Variants in BMP6 observed in about 807,000 individuals in gnomAD.
BMP6 encodes bone morphogenetic protein 6, also known as VG-1-R.
BMP6 carries 17 observed loss-of-function variants against 54.1 expected under a neutral mutation model. The observed-to-expected ratio is 0.31, with a 90% confidence interval of 0.22 to 0.47. The LOEUF (loss-of-function observed/expected upper bound fraction) is 0.47. Ranked by LOEUF, BMP6 falls within the 20% of genes least tolerant of loss-of-function variation. The probability of loss-of-function intolerance (pLI) is 1.00; values close to 1 mark genes in which losing one functional copy is unlikely to be tolerated. For missense variants in BMP6, 720 were observed against 690.4 expected (o/e 1.04, Z -0.48); for synonymous variants, 328 against 291.2 (o/e 1.13, Z -1.28).
intron 1 of BMP6, among the ~76,000 whole-genome samples, chr6:7,780,709 GTTA>G (rs10665058): frequency 8.6e-5 from 13 of 151,128 alleles, no homozygotes; most frequent in Non-Finnish European, 1.8e-4. Flanking sequence ...TTATTTTATT[GTTA>G]TTATTATCAT....
intron 1 of BMP6, among the ~76,000 whole-genome samples, chr6:7,833,813 C>A (rs2113239013): frequency 6.6e-6 from 1 of 152,258 alleles, no homozygotes; most frequent in African/African-American, 2.4e-5. Flanking sequence ...GAATGTGTCC[C>A]ACATGTTATT....
chr6:7,743,974 T>G (rs1262941011), intron 1 of BMP6, among the ~76,000 whole-genome samples: 1 of 152,246 alleles, frequency 6.6e-6, no homozygotes, highest in Admixed American at 6.5e-5. Context: ...AATTCCAAGT[T>G]GTGATGCATC....
chr6:7,879,165 C>T lies in BMP6; in HGVS notation c.1281+15C>T, dbSNP rs140759179. 6.2e-6 allele frequency: 10 copies of T among 1,608,318 alleles called. No homozygotes were observed. The East Asian group carries it at 2.2e-4, about 36-fold the overall frequency. On this transcript the variant is annotated intron_variant, in intron 5 of 6. Transcript: ENST00000283147. ...TGGGATGGCAGGTGAGTTCTCTGGA[C>T]ACGGGGGATAAAGGTCCTTTCTCAG...
chr6:7,772,883 G>T (rs143044288), intron 1 of BMP6, among the ~76,000 whole-genome samples: 204 of 152,220 alleles, frequency 1.3e-3, no homozygotes, highest in African/African-American at 4.7e-3. Context: ...CTGAACATTT[G>T]ATCTGATTAC....
intron 1 of BMP6, among the ~76,000 whole-genome samples, chr6:7,836,260 G>A (rs1758874721): frequency 6.6e-6 from 1 of 152,040 alleles, no homozygotes; most frequent in Non-Finnish European, 1.5e-5. Flanking sequence ...TAGGTGCCTA[G>A]TGTCCTAAAG....
chr6:7,817,970 A>G (rs1758555682), intron 1 of BMP6, among the ~76,000 whole-genome samples: 1 of 152,216 alleles, frequency 6.6e-6, no homozygotes. Context: ...TGTGGGCCCA[A>G]CAGGTGGGTA....
chr6:7,817,424 A>G (rs1758544664), intron 1 of BMP6, among the ~76,000 whole-genome samples: 1 of 152,118 alleles, frequency 6.6e-6, no homozygotes, highest in Admixed American at 6.5e-5. Context: ...TGTCCTTTGT[A>G]GGGACATGGA....
intron 1 of BMP6, among the ~76,000 whole-genome samples, chr6:7,800,735 GAAGT>G (rs1278154268): frequency 1.3e-5 from 2 of 152,158 alleles, no homozygotes; most frequent in Admixed American, 6.5e-5. Flanking sequence ...GAGCATGATA[GAAGT>G]ATTTATTGGA....
intron 1 of BMP6, among the ~76,000 whole-genome samples, chr6:7,837,953 A>G (rs1329902934): frequency 6.6e-6 from 1 of 152,214 alleles, no homozygotes; most frequent in Non-Finnish European, 1.5e-5. Context: ...CACCAGAATC[A>G]AATGACTCTA....
intron 2 of BMP6, among the ~76,000 whole-genome samples, chr6:7,848,183 A>C (rs943883797): frequency 8.5e-5 from 13 of 152,174 alleles, no homozygotes; most frequent in Non-Finnish European, 1.6e-4. Flanking sequence ...CAAGGTTAGA[A>C]TTATGGAAGG....
chr6:7,801,086 C>T (rs1396074615), intron 1 of BMP6, among the ~76,000 whole-genome samples: 2 of 152,136 alleles, frequency 1.3e-5, no homozygotes, highest in African/African-American at 2.4e-5. Context: ...AATGTAGTAA[C>T]GAAGGCAAAA....
intron 1 of BMP6, among the ~76,000 whole-genome samples, chr6:7,811,301 C>A (rs1425079505): frequency 6.6e-6 from 1 of 152,194 alleles, no homozygotes; most frequent in African/African-American, 2.4e-5. Context: ...CTTCTGGCCC[C>A]AGAAGTCCAG....
intron 1 of BMP6, among the ~76,000 whole-genome samples, chr6:7,790,931 C>T (rs1407880783): frequency 6.6e-6 from 1 of 152,140 alleles, no homozygotes. Flanking sequence ...TGTTCGAGTC[C>T]ACCCTTTCTG....
chr6:7,727,712 G>T (rs777061085), intron 1 of BMP6, 93 bp downstream of exon 1: 26 of 1,346,470 alleles, frequency 1.9e-5, no homozygotes, highest in African/African-American at 1.7e-4. Flanking sequence ...AGGAGCTCCC[G>T]GCGCGCGGGT....
intron 1 of BMP6, among the ~76,000 whole-genome samples, chr6:7,803,464 G>A (rs1165397673): frequency 6.6e-6 from 1 of 152,144 alleles, no homozygotes; most frequent in African/African-American, 2.4e-5. Context: ...GTTGGCATCA[G>A]CTTGTCTTAA....
chr6:7,751,972 G>A (rs573913080), intron 1 of BMP6, among the ~76,000 whole-genome samples: 3 of 152,196 alleles, frequency 2.0e-5, no homozygotes, highest in South Asian at 2.1e-4. Context: ...CTGCTTAAAC[G>A]CTTCCAGCTA....
intron 1 of BMP6, among the ~76,000 whole-genome samples, chr6:7,810,305 ATTC>A (rs1478896331): frequency 6.6e-6 from 1 of 152,204 alleles, no homozygotes; most frequent in East Asian, 1.9e-4. Context: ...GCATTATGGA[ATTC>A]TTAAAGCTCC....
At chr6:7,864,763 G>T (rs1165168059) in intron 4 of BMP6, among the ~76,000 whole-genome samples, 1 of 152,232 alleles carries the variant, frequency 6.6e-6, no homozygotes, top group African/African-American at 2.4e-5. Context: ...CAGCATGGGT[G>T]TTCCTGTATT....
At chr6:7,766,992 GTTT>G (rs10557470) in intron 1 of BMP6, among the ~76,000 whole-genome samples, 3 of 140,572 alleles carry the variant, frequency 2.1e-5, no homozygotes, top group Non-Finnish European at 3.1e-5. Flanking sequence ...TAGTTTGTTT[GTTT>G]TTTTTTTTTG....
Sources: gnomAD v4.1 joint callset for allele counts (sites outside exome capture counted in the v4.1 genomes callset) on GRCh38, gnomAD v4.1.1 for gene constraint, MANE v1.5 for transcripts, NCBI Gene and HGNC (gene_info 2026-07-23, HGNC 2026-07-21) for gene names.